Variants in TMOD1 observed in about 807,000 individuals in gnomAD.
The protein encoded by TMOD1 is tropomodulin-1.
In TMOD1, 17 loss-of-function variants were observed where a neutral mutation model predicts 40.6. The observed-to-expected ratio is 0.42, with a 90% CI of 0.29 to 0.63. The LOEUF (loss-of-function observed/expected upper bound fraction) is 0.63. Ranked by LOEUF, TMOD1 falls within the 20% of genes least tolerant of loss-of-function variation. TMOD1 has a pLI of 0.22. For synonymous variants in TMOD1, 181 were observed against 175.0 expected (o/e 1.03, Z -0.27); for missense variants, 391 against 447.6 (o/e 0.87, Z 1.14).
chr9:97,555,371 C>T (rs1269952052), intron 4 of TMOD1: 3 of 1,257,484 alleles, frequency 2.4e-6, no homozygotes, highest in Non-Finnish European at 3.0e-6. Context: ...CGCTTCATGA[C>T]GTCACTCCCC....
chr9:97,591,254 A>AT, intron 8 of TMOD1, 37 bp from the exon 9 acceptor site: 1 of 1,556,108 alleles, frequency 6.4e-7, no homozygotes, highest in Non-Finnish European at 8.7e-7. Flanking sequence ...ATGAGTGGTG[A>AT]TTTTATTTTT....
rs1364238352 is a variant in TMOD1 at position 97,513,281 on chromosome 9, A to G, written c.-48-10860A>G. The G allele has an allele frequency of 6.6e-6, 1 of 152,230 alleles. No individual in the cohort carries two copies. The highest frequency in any genetic ancestry group is 2.4e-5 in the African/African-American group (1 of 41,438). The allele number at this position is 152,230 out of a possible 1,614,324, so 9.4% of individuals were successfully genotyped here. On this transcript the variant is annotated intron_variant, in intron 1 of 9. Transcript: ENST00000259365. This position sits in a 1 kb window ranked among gnomAD's most constrained non-coding sequence, Gnocchi z 4.1. ...ATCCCTTCTCTCATGTCCCCTTTAC[A>G]GTACCCCTTGGGAGAACATTCAGTC...
At position 97,567,900 on chromosome 9, in the gene TMOD1, G is replaced by A. The variant is rs73656826; in HGVS notation, c.727-994G>A. On this transcript the variant is annotated intron_variant, in intron 7 of 9. Coordinates refer to ENST00000259365, the MANE Select transcript of TMOD1 (RefSeq NM_003275.4). The stretch of plus-strand genomic sequence containing the variant: ...CTCGGAGCATCATTTTAGGCAGCAG[G>A]GCCCACCGATCAGTATGTCCTATCA... Among the ~76,000 whole-genome samples the A allele has an allele frequency of 7.6e-3, 1,156 of 152,122 alleles. 12 individuals are homozygous for A. Among genetic ancestry groups the A allele is most frequent in the African/African-American group, 0.027 (1,104 of 41,492 alleles).
At chr9:97,595,533 C>CTT (rs71487335) in intron 9 of TMOD1, among the ~76,000 whole-genome samples, 7,592 of 121,562 alleles carry the variant, frequency 0.062, 590 homozygotes, top group African/African-American at 0.17. Context: ...AACAAATTTC[C>CTT]TTTTTTTTTT....
intron 1 of TMOD1, among the ~76,000 whole-genome samples, chr9:97,523,387 G>A (rs552684768): frequency 2.0e-5 from 3 of 152,306 alleles, no homozygotes; most frequent in African/African-American, 7.2e-5. Flanking sequence ...CCTCTGGGGG[G>A]AAATGGGGGC....
chr9:97,548,652 C>T (rs924019549), intron 3 of TMOD1, among the ~76,000 whole-genome samples: 3 of 152,186 alleles, frequency 2.0e-5, no homozygotes, highest in African/African-American at 7.2e-5. Context: ...TGCCACTCCT[C>T]CAGCTCTGGA....
chr9:97,509,347 G>A (rs1351171969), intron 1 of TMOD1, among the ~76,000 whole-genome samples: 1 of 152,108 alleles, frequency 6.6e-6, no homozygotes, highest in Non-Finnish European at 1.5e-5. Flanking sequence ...ACAAAACAAA[G>A]CTTCTATTAT....
intron 8 of TMOD1, among the ~76,000 whole-genome samples, chr9:97,576,838 A>T (rs1830949864): frequency 6.6e-6 from 1 of 151,418 alleles, no homozygotes; most frequent in Non-Finnish European, 1.5e-5. Context: ...ACCGGGTTTC[A>T]CCATGTTAGC....
intron 8 of TMOD1, among the ~76,000 whole-genome samples, chr9:97,590,492 C>T (rs117643807): frequency 0.041 from 6,234 of 152,208 alleles, 166 homozygotes; most frequent in Non-Finnish European, 0.063. Flanking sequence ...TCCCAAAGTG[C>T]TAGGATAACA....
At chr9:97,593,453 G>GGGT (rs775200568) in intron 9 of TMOD1, among the ~76,000 whole-genome samples, 6 of 152,096 alleles carry the variant, frequency 3.9e-5, no homozygotes, top group Admixed American at 1.3e-4. Flanking sequence ...CTGGAGCCTG[G>GGGT]GGTGGGGGTA....
chr9:97,538,860 C>G (rs1160838797), intron 2 of TMOD1, among the ~76,000 whole-genome samples: 1 of 151,414 alleles, frequency 6.6e-6, no homozygotes, highest in Non-Finnish European at 1.5e-5. Flanking sequence ...AAAAAATTAG[C>G]CGGGCATGGT....
At chr9:97,509,828 A>G (rs1829666630) in intron 1 of TMOD1, among the ~76,000 whole-genome samples, 1 of 152,218 alleles carries the variant, frequency 6.6e-6, no homozygotes. Flanking sequence ...TCAATCTGAT[A>G]GAACTGATAT....
chr9:97,565,136 C>T (rs1830707703), intron 6 of TMOD1, among the ~76,000 whole-genome samples: 1 of 152,232 alleles, frequency 6.6e-6, no homozygotes, highest in Non-Finnish European at 1.5e-5. Context: ...GTGAATGCTG[C>T]CTCAGGGCCA....
chr9:97,571,522 T>A (rs1411506728), intron 8 of TMOD1, among the ~76,000 whole-genome samples: 1 of 152,236 alleles, frequency 6.6e-6, no homozygotes, highest in East Asian at 1.9e-4. Context: ...ATTCTAAGAG[T>A]TAATTTCCTG....
At chr9:97,564,483 G>A (rs1830695660) in intron 6 of TMOD1, among the ~76,000 whole-genome samples, 3 of 152,184 alleles carry the variant, frequency 2.0e-5, no homozygotes, top group South Asian at 2.1e-4. Flanking sequence ...GAGATTCTCC[G>A]AGATAAAATC....
intron 9 of TMOD1, among the ~76,000 whole-genome samples, chr9:97,595,532 CCT>C (rs1826092242): frequency 7.8e-6 from 1 of 128,016 alleles, no homozygotes; most frequent in East Asian, 2.3e-4. Flanking sequence ...GAACAAATTT[CCT>C]TTTTTTTTTT....
intron 1 of TMOD1, among the ~76,000 whole-genome samples, chr9:97,519,917 C>A (rs1829889039): frequency 6.6e-6 from 1 of 152,072 alleles, no homozygotes; most frequent in Non-Finnish European, 1.5e-5. Context: ...ACAGCCTCAT[C>A]TGCTTGCTAC....
At chr9:97,565,391 T>C (rs987195677) in intron 6 of TMOD1, among the ~76,000 whole-genome samples, 1 of 151,938 alleles carries the variant, frequency 6.6e-6, no homozygotes, top group Non-Finnish European at 1.5e-5. Flanking sequence ...CCCCCTGGGG[T>C]AGATGTCTCT....
chr9:97,567,524 G>A (rs538700044), intron 7 of TMOD1, among the ~76,000 whole-genome samples: 5 of 152,348 alleles, frequency 3.3e-5, no homozygotes, highest in South Asian at 2.1e-4. Flanking sequence ...AGGGCCTCCA[G>A]GACCTGCTCA....
Sources: allele counts gnomAD v4.1 joint callset (sites outside exome capture counted in the v4.1 genomes callset), GRCh38; gene constraint gnomAD v4.1.1; non-coding constraint Gnocchi (gnomAD v3.1); transcripts MANE v1.5; gene names NCBI Gene and HGNC (gene_info 2026-07-23, HGNC 2026-07-21).